The following RESP18 variants were observed in gnomAD, a reference collection of about 807,000 sequenced individuals.
RESP18 encodes regulated endocrine-specific protein 18.
Under a neutral mutation model 30.0 loss-of-function variants are expected in RESP18, and 30 were observed. The ratio of observed to expected loss-of-function variants is 1.00; its 90% CI spans 0.75 to 1.36. RESP18 has a LOEUF of 1.36. Among genes scored for constraint, RESP18 ranks in the 40% most tolerant of loss-of-function variants. The pLI, the probability that RESP18 is intolerant of heterozygous loss-of-function variation, is 0.00. For missense variants in RESP18, 320 were observed against 284.2 expected (o/e 1.13, Z -0.91); for synonymous variants, 117 against 111.2 (o/e 1.05, Z -0.33).
chr2:219,331,594 C>T (rs1463395980), intron 2 of RESP18, among the ~76,000 whole-genome samples: 1 of 152,148 alleles, frequency 6.6e-6, no homozygotes, highest in African/African-American at 2.4e-5. Context: ...ATGAGAAAGC[C>T]TCCTTAAGGA....
At position 219,332,519 on chromosome 2, in the gene RESP18, C is replaced by T. The variant is rs938427001; in HGVS notation, c.232+5G>A. 4 of 1,549,394 alleles carry T rather than the reference C, an allele frequency of 2.6e-6. No homozygotes were observed. The highest frequency in any genetic ancestry group is 2.6e-6 in the Non-Finnish European group (3 of 1,146,034). ...CTGCCCGCACCCCCCAGGGTTCCTC[C>T]TGACCGTGGGCACTAGTGTCGCTGC... On this transcript the variant is annotated splice_donor_5th_base_variant and intron_variant, in intron 2 of 6. Coordinates refer to ENST00000333527, the MANE Select transcript of RESP18 (RefSeq NM_001007089.4).
At position 219,328,998 on chromosome 2, in the gene RESP18, C is replaced by A. The variant is rs1292686918; in HGVS notation, c.566G>T (p.Arg189Met). Residue 189 changes from arginine to methionine, a missense_variant, in exon 6 of 7, where the codon AGG becomes ATG. Coordinates refer to ENST00000333527, the MANE Select transcript of RESP18 (RefSeq NM_001007089.4). ...CATGTCCAGCCCCCCATATGAACAC[C>A]TATAGGTAATCTGAGAGATACAGGA... 3.2e-6 allele frequency: 5 copies of A among 1,550,384 alleles called. No homozygotes were observed. The highest frequency in any genetic ancestry group is 4.4e-6 in the Non-Finnish European group (5 of 1,145,792).
intron 1 of RESP18, among the ~76,000 whole-genome samples, chr2:219,332,961 C>T (rs1329025646): frequency 6.6e-6 from 1 of 152,142 alleles, no homozygotes; most frequent in African/African-American, 2.4e-5. Flanking sequence ...GTTGTACCTA[C>T]TCAGGTTTGT....
At chr2:219,329,844 C>A in intron 3 of RESP18, 80 bp from the exon 3 acceptor site, 1 of 1,373,004 alleles carries the variant, frequency 7.3e-7, no homozygotes. Flanking sequence ...ACCTTTCTCT[C>A]AAGTATATAT....
intron 2 of RESP18, 71 bp downstream of exon 1, chr2:219,332,453 C>G: frequency 8.7e-7 from 1 of 1,155,378 alleles, no homozygotes; most frequent in Non-Finnish European, 1.2e-6. Context: ...AGCCTTGAGG[C>G]CCCCTGCAGA....
At chr2:219,331,857 C>T (rs1952835029) in intron 2 of RESP18, among the ~76,000 whole-genome samples, 2 of 152,212 alleles carry the variant, frequency 1.3e-5, no homozygotes, top group South Asian at 4.1e-4. Flanking sequence ...CCCTCATCCT[C>T]TCATTGCCAC....
intron 3 of RESP18, among the ~76,000 whole-genome samples, chr2:219,330,398 A>G (rs998095967): frequency 2.8e-4 from 43 of 152,102 alleles, no homozygotes; most frequent in African/African-American, 8.0e-4. Context: ...TTGTCATACA[A>G]TTTCCTACTC....
At chr2:219,329,978 T>C (rs1952813672) in intron 3 of RESP18, among the ~76,000 whole-genome samples, 1 of 152,176 alleles carries the variant, frequency 6.6e-6, no homozygotes, top group Non-Finnish European at 1.5e-5. Flanking sequence ...TTTGATGCTA[T>C]TGTGAGGATT....
rs1952808595 is a variant in RESP18, at chr2:219,329,619, A to C, written c.465+18T>G. ...CTGCCAGAATGCTTGGAATGACCAC[A>C]GGCCTCATGCACCTCACCTCAGTGG... On this transcript the variant is annotated intron_variant, in intron 4 of 6. Transcript: ENST00000333527. The C allele has an allele frequency of 6.4e-7, 1 of 1,551,112 alleles. No individual in the cohort carries two copies. The highest frequency in any genetic ancestry group is 1.4e-5 in the African/African-American group (1 of 73,136).
rs1559316636 is a variant in RESP18 at position 219,332,552 on chromosome 2, C to CCG, written c.203_204insCG (p.Cys71AlafsTer14). ...GGGCACTAGTGTCGCTGCAGCCCCC[C>CCG]GGGCAGCTGTTCAGCAGCAGGAAGC... On this transcript the variant is annotated frameshift_variant, in exon 2 of 7. Transcript: ENST00000333527. LOFTEE classifies it high-confidence loss of function. 1.3e-6 allele frequency: 2 copies of CCG among 1,551,298 alleles called. No individual in the cohort carries two copies. The highest frequency in any genetic ancestry group is 2.7e-5 in the African/African-American group (2 of 73,168).
In RESP18 at chr2:219,332,507, C is replaced by A. The variant is rs762634381; in HGVS notation, c.232+17G>T. On this transcript the variant is annotated intron_variant, in intron 2 of 6. Transcript: ENST00000333527. ...GCTTTCTTGGCCCTGCCCGCACCCC[C>A]CAGGGTTCCTCCTGACCGTGGGCAC... 2.3e-5 allele frequency: 36 copies of A among 1,546,506 alleles called. No homozygotes were observed. The South Asian group carries it at 3.7e-4, about 16-fold the overall frequency.
chr2:219,327,658 C>T (rs1235874667), intron 6 of RESP18, 95 bp from the exon 6 acceptor site: 1 of 1,058,876 alleles, frequency 9.4e-7, no homozygotes. Context: ...TAGTAACAGC[C>T]TGATTTGAGT....
intron 1 of RESP18, among the ~76,000 whole-genome samples, chr2:219,333,002 C>T (rs1437927458): frequency 8.5e-5 from 13 of 152,068 alleles, no homozygotes; most frequent in Admixed American, 7.9e-4. Context: ...AGCGATGAAA[C>T]AGTAGGCACT....
At position 219,331,999 on chromosome 2, in the gene RESP18, G is replaced by A. The variant is rs567103488; in HGVS notation, c.232+525C>T. On this transcript the variant is annotated intron_variant, in intron 2 of 6. Transcript: ENST00000333527. ...GCTCTGCGCAGGAGTTCTCGAGTGTGCGCAGTCTGGCACGTGAGTCAGCGC... is the reference window on the plus strand; with the variant it reads ...GCTCTGCGCAGGAGTTCTCGAGTGTACGCAGTCTGGCACGTGAGTCAGCGC... Among the ~76,000 whole-genome samples, 4 of 152,348 alleles carry A rather than the reference G, an allele frequency of 2.6e-5. No homozygotes were observed. In the South Asian group the frequency reaches 8.3e-4, roughly 32 times the overall value.
Position 219,329,703 on chromosome 2 carries a change from G to A in RESP18, c.399C>T (p.Ser133=), listed in dbSNP as rs1169770771. 1 of 1,551,518 alleles carries A rather than the reference G, an allele frequency of 6.4e-7. No individual in the cohort carries two copies. Among genetic ancestry groups the A allele is most frequent in the African/African-American group, 1.4e-5 (1 of 73,030 alleles). The change falls in exon 4 of 7, where the codon AGC becomes AGT. Residue 133 remains serine, a synonymous_variant. Transcript: ENST00000333527. The stretch of plus-strand genomic sequence containing the variant: ...GGCATGGTTCTTGGGGATGCAGTCT[G>A]CTGGCATGCTCCATCTTTTGGATCA...
chr2:219,329,439 G>C, intron 4 of RESP18, 187 bp from the exon 4 acceptor site: 1 of 1,550,986 alleles, frequency 6.4e-7, no homozygotes, highest in Non-Finnish European at 8.7e-7. Flanking sequence ...TTGGACCTAG[G>C]CTTGCCACAC....
rs752045839 is a variant in RESP18, at chr2:219,330,782, A to G, written c.326T>C (p.Ile109Thr). ...CAGCTTTTACTTACCTTGGGGTATA[A>G]TCTGCTGGAGCACAACCTGTAAATG... The change falls in exon 3 of 7, where the codon ATT becomes ACT. Residue 109 changes from isoleucine (I) to threonine (T), a missense_variant. Ile to Thr is a moderately conservative substitution (Grantham distance 89). Coordinates refer to ENST00000333527, the MANE Select transcript of RESP18 (RefSeq NM_001007089.4). 10 of 1,550,038 alleles carry G rather than the reference A, an allele frequency of 6.5e-6. No individual in the cohort carries two copies. In the African/African-American group the frequency reaches 1.2e-4, roughly 19 times the overall value.
chr2:219,327,655 A>C lies in RESP18; in HGVS notation c.641-92T>G, dbSNP rs759348952. On this transcript the variant is annotated intron_variant, in intron 6 of 6. Coordinates refer to ENST00000333527, the MANE Select transcript of RESP18 (RefSeq NM_001007089.4). ...CTCCTTCCACAAATACTGTAGTAACAGCCTGATTTGAGTAACCCTTCAGCA... is the reference window on the plus strand; with the variant it reads ...CTCCTTCCACAAATACTGTAGTAACCGCCTGATTTGAGTAACCCTTCAGCA... 9 of 1,114,486 alleles carry C rather than the reference A, an allele frequency of 8.1e-6. No homozygotes were observed. In the Admixed American group the frequency reaches 1.4e-4, roughly 17 times the overall value. The allele number at this position is 1,114,486 out of a possible 1,614,324, so 69.0% of individuals were successfully genotyped here.
Position 219,329,687 on chromosome 2 carries a change from C to T in RESP18, c.415G>A (p.Glu139Lys), listed in dbSNP as rs764891811. ...GCCTTCCCATCCTTCAGGCATGGTT[C>T]TTGGGGATGCAGTCTGCTGGCATGC... The change falls in exon 4 of 7, where the codon GAA becomes AAA. Residue 139 changes from glutamate to lysine, a missense_variant. Physicochemically the swap from Glu to Lys is moderately conservative, Grantham distance 56. Coordinates refer to ENST00000333527, the MANE Select transcript of RESP18 (RefSeq NM_001007089.4). 19 of 1,551,514 alleles carry T rather than the reference C, an allele frequency of 1.2e-5. No homozygotes were observed.
Sources: gnomAD v4.1 joint callset for allele counts (sites outside exome capture counted in the v4.1 genomes callset) on GRCh38, gnomAD v4.1.1 for gene constraint, MANE v1.5 for transcripts, NCBI Gene and HGNC (gene_info 2026-07-23, HGNC 2026-07-21) for gene names.